DSCAML1: variants seen among roughly 807,000 people sequenced by gnomAD.
DSCAML1 encodes DS cell adhesion molecule like 1, also known as cell adhesion molecule DSCAML1.
In DSCAML1, 38 loss-of-function variants were observed where a neutral mutation model predicts 200.5. The ratio of observed to expected loss-of-function variants is 0.19; its 90% CI spans 0.15 to 0.25. The LOEUF (loss-of-function observed/expected upper bound fraction) is 0.25. DSCAML1 is among the 10% of genes least tolerant of loss of function. DSCAML1 has a pLI of 1.00. For missense variants in DSCAML1, 2,223 were observed against 2,858.8 expected (o/e 0.78, Z 5.07); for synonymous variants, 1,215 against 1,165.0 (o/e 1.04, Z -0.87).
intron 18 of DSCAML1, 133 bp from the exon 19 acceptor site, chr11:117,459,042 A>T (rs1565700423): frequency 1.7e-6 from 2 of 1,196,580 alleles, no homozygotes; most frequent in Non-Finnish European, 2.3e-6. Context: ...CGAGGACTAG[A>T]GGGTCTTTCA....
chr11:117,555,825 A>C (rs1224171711), intron 3 of DSCAML1, among the ~76,000 whole-genome samples: 1 of 152,050 alleles, frequency 6.6e-6, no homozygotes, highest in East Asian at 1.9e-4. Context: ...TGGCAGCTTA[A>C]CTATGGTGAT....
intron 3 of DSCAML1, among the ~76,000 whole-genome samples, chr11:117,750,949 T>C (rs1410843452): frequency 2.6e-5 from 4 of 152,040 alleles, no homozygotes; most frequent in East Asian, 3.9e-4. Context: ...AGCTGTGAAG[T>C]CTGAGCTGTC....
chr11:117,564,694 C>CTTCCT (rs1420874764), intron 3 of DSCAML1, among the ~76,000 whole-genome samples: 1 of 149,846 alleles, frequency 6.7e-6, no homozygotes, highest in Non-Finnish European at 1.5e-5. Flanking sequence ...CCTTCCTATC[C>CTTCCT]TTCCTTCCTT....
At chr11:117,701,266 A>AAAAT (rs60286619) in intron 3 of DSCAML1, among the ~76,000 whole-genome samples, 3,274 of 150,936 alleles carry the variant, frequency 0.022, 50 homozygotes, top group African/African-American at 0.049. Flanking sequence ...ACTCCATCTC[A>AAAAT]AAATAAATAA....
chr11:117,732,297 C>A lies in DSCAML1; in HGVS notation c.511+44494G>T, dbSNP rs74680867. Among the ~76,000 whole-genome samples the A allele has an allele frequency of 1.5e-3, 227 of 152,256 alleles. 1 individual carries two copies. The highest frequency in any genetic ancestry group is 5.2e-3 in the African/African-American group (215 of 41,542). ...AAAATAAGACACAGGCACAAAGAGA[C>A]CAAGAAATGGGCCCAGGATTGCACC... On this transcript the variant is annotated intron_variant, in intron 3 of 32. Transcript: ENST00000651296.
chr11:117,651,711 CAAAAAAAAAAAAAAA>C (rs1193144259), intron 3 of DSCAML1, among the ~76,000 whole-genome samples: 4 of 31,106 alleles, frequency 1.3e-4, no homozygotes, highest in South Asian at 4.0e-3. Flanking sequence ...GACTCTGTCT[CAAAAAAAAAAAAAAA>C]AAAAAAAAAA....
At chr11:117,594,064 T>C (rs2051315895) in intron 3 of DSCAML1, among the ~76,000 whole-genome samples, 1 of 152,168 alleles carries the variant, frequency 6.6e-6, no homozygotes, top group Non-Finnish European at 1.5e-5. Context: ...GGGTCTCACC[T>C]GGCATGGTTA....
chr11:117,795,497 A>G (rs567362709), intron 1 of DSCAML1, among the ~76,000 whole-genome samples: 1 of 152,090 alleles, frequency 6.6e-6, no homozygotes, highest in South Asian at 2.1e-4. Flanking sequence ...TTGCTCTGCT[A>G]AGGTAGGATG....
chr11:117,505,873 T>C lies in DSCAML1; in HGVS notation c.1784-141A>G, dbSNP rs78256789. 2,450 of 1,020,522 alleles carry C rather than the reference T, an allele frequency of 2.4e-3. 32 individuals are homozygous for C. The African/African-American group carries it at 0.034, about 14-fold the overall frequency. The allele number at this position is 1,020,522 out of a possible 1,614,324, so 63.2% of individuals were successfully genotyped here. Reference sequence around the variant, plus strand: ...GGGGCACTGCAGCCTTGTTCTCCTATGCATGCAGGGTCTCCTAATGATGCC... The same window carrying C: ...GGGGCACTGCAGCCTTGTTCTCCTACGCATGCAGGGTCTCCTAATGATGCC... On this transcript the variant is annotated intron_variant, in intron 8 of 32. Coordinates refer to ENST00000651296, the MANE Select transcript of DSCAML1 (RefSeq NM_020693.4). The surrounding 1 kb of genome is among the most constrained non-coding windows in gnomAD (Gnocchi z 6.7).
At chr11:117,684,435 T>TAAAAAAAAA (rs149958154) in intron 3 of DSCAML1, among the ~76,000 whole-genome samples, 340 of 74,282 alleles carry the variant, frequency 4.6e-3, no homozygotes, top group Non-Finnish European at 5.9e-3. Context: ...TTTCATTAAC[T>TAAAAAAAAA]AAAAAAAAAA....
chr11:117,547,933 G>A (rs2050405795), intron 3 of DSCAML1, among the ~76,000 whole-genome samples: 1 of 152,060 alleles, frequency 6.6e-6, no homozygotes, highest in African/African-American at 2.4e-5. Context: ...CCCTTCCCAG[G>A]GTTCATCCTG....
At chr11:117,460,769 G>A (rs1382290355) in intron 18 of DSCAML1, among the ~76,000 whole-genome samples, 1 of 152,108 alleles carries the variant, frequency 6.6e-6, no homozygotes, top group Non-Finnish European at 1.5e-5. Context: ...CTGCTCCACT[G>A]TGCGCACCTC....
chr11:117,603,927 C>T (rs1286851629), intron 3 of DSCAML1, among the ~76,000 whole-genome samples: 2 of 152,194 alleles, frequency 1.3e-5, no homozygotes, highest in East Asian at 1.9e-4. Context: ...TATTTGTAAT[C>T]GCTAAAATGA....
In DSCAML1 at chr11:117,524,797, CG is replaced by C; in HGVS notation, c.937+7del. ...ACTGGGGCTGCAGAAGGGGCTTCCC[CG>C]ACTCACCAATGACCATGAGGATGCC... On this transcript the variant is annotated splice_region_variant and intron_variant, in intron 5 of 32. Coordinates refer to ENST00000651296, the MANE Select transcript of DSCAML1 (RefSeq NM_020693.4). 1.3e-6 allele frequency: 2 copies of C among 1,569,794 alleles called. No individual in the cohort carries two copies. The highest frequency in any genetic ancestry group is 1.9e-5 in the Admixed American group (1 of 54,020).
chr11:117,783,550 A>G (rs768664156), intron 1 of DSCAML1, among the ~76,000 whole-genome samples: 2 of 152,176 alleles, frequency 1.3e-5, no homozygotes, highest in African/African-American at 2.4e-5. Flanking sequence ...CCGTATTTAT[A>G]TTATACAGAT....
chr11:117,785,469 G>A (rs1423229531), intron 1 of DSCAML1, among the ~76,000 whole-genome samples: 1 of 152,154 alleles, frequency 6.6e-6, no homozygotes, highest in African/African-American at 2.4e-5. Flanking sequence ...AAACCTTGCA[G>A]GCTGGAGCAC....
At chr11:117,649,966 T>C (rs1321054037) in intron 3 of DSCAML1, among the ~76,000 whole-genome samples, 2 of 152,220 alleles carry the variant, frequency 1.3e-5, no homozygotes, top group Non-Finnish European at 2.9e-5. Context: ...AACCCCTTGC[T>C]TGGCTCAACC....
At position 117,428,609 on chromosome 11, in the gene DSCAML1, G is replaced by A. The variant is rs2047715190; in HGVS notation, c.5881C>T (p.Pro1961Ser). Reference sequence around the variant, plus strand: ...AAGGTGGCTGTGGAGGCGGCAGCGGGGGCCCCTGGGTGGGGAAGGCCCAAG... The same window carrying A: ...AAGGTGGCTGTGGAGGCGGCAGCGGAGGCCCCTGGGTGGGGAAGGCCCAAG... Reference protein sequence around the residue: ...KSLGLPHPGAPAAASTATLPQ... With the variant: ...KSLGLPHPGASAAASTATLPQ... Residue 1961 changes from proline to serine, a missense_variant, in exon 33 of 33, where the codon CCC becomes TCC. By Grantham distance (74) the Pro-to-Ser change is moderately conservative. Coordinates refer to ENST00000651296, the MANE Select transcript of DSCAML1 (RefSeq NM_020693.4). The A allele has an allele frequency of 1.9e-6, 3 of 1,606,328 alleles. No individual in the cohort carries two copies. Among genetic ancestry groups the A allele is most frequent in the East Asian group, 2.2e-5 (1 of 44,612 alleles).
At chr11:117,759,602 T>G (rs2054762734) in intron 3 of DSCAML1, among the ~76,000 whole-genome samples, 2 of 151,948 alleles carry the variant, frequency 1.3e-5, no homozygotes, top group African/African-American at 4.8e-5. Flanking sequence ...CATCCGGGCC[T>G]CTTGAGGCCA....
Sources: allele counts gnomAD v4.1 joint callset (sites outside exome capture counted in the v4.1 genomes callset), GRCh38; gene constraint gnomAD v4.1.1; non-coding constraint Gnocchi (gnomAD v3.1); transcripts MANE v1.5; gene names NCBI Gene and HGNC (gene_info 2026-07-23, HGNC 2026-07-21).